The following ZNF407 variants were observed in gnomAD, a reference collection of about 807,000 sequenced individuals.
ZNF407 encodes zinc finger protein 407.
ZNF407 carries 17 observed loss-of-function variants against 131.2 expected under a neutral mutation model. The ratio of observed to expected loss-of-function variants is 0.13; its 90% CI spans 0.09 to 0.19. The LOEUF (loss-of-function observed/expected upper bound fraction) is 0.19, where lower values mean the gene tolerates loss of function less well. Ranked by LOEUF, ZNF407 falls within the 10% of genes least tolerant of loss-of-function variation. The pLI is 1.00. For missense variants in ZNF407, 2,681 were observed against 2,830.6 expected, an observed-to-expected ratio of 0.95 and a Z score of 1.20; for synonymous variants, 1,156 against 1,062.0, an observed-to-expected ratio of 1.09 and a Z score of -1.72.
intron 8 of ZNF407, among the ~76,000 whole-genome samples, chr18:74,992,874 A>G (rs1320252532): frequency 6.6e-6 from 1 of 152,238 alleles, no homozygotes; most frequent in Non-Finnish European, 1.5e-5. Flanking sequence ...ACATGAAATG[A>G]TGCTAATCAT....
Position 74,813,678 on chromosome 18 carries a change from G to A in ZNF407, c.4877+32176G>A, listed in dbSNP as rs145010541. ...ACCAAGTAACATGGGGGAGGAGGTG[G>A]CATCTGTTCATAGCTTAGCTCCAAG... On this transcript the variant is annotated intron_variant, in intron 4 of 8. Transcript: ENST00000299687. 4.6e-3 allele frequency among the ~76,000 whole-genome samples: 697 copies of A among 152,222 alleles called. 7 individuals are homozygous for A. The highest frequency in any genetic ancestry group is 0.016 in the African/African-American group (659 of 41,540).
At chr18:74,887,924 T>G (rs765364063) in intron 6 of ZNF407, among the ~76,000 whole-genome samples, 1 of 152,156 alleles carries the variant, frequency 6.6e-6, no homozygotes, top group East Asian at 1.9e-4. Context: ...AAATGGGTTG[T>G]GTATGGATTC....
At chr18:74,661,002 G>A (rs936658258) in intron 3 of ZNF407, among the ~76,000 whole-genome samples, 9 of 152,066 alleles carry the variant, frequency 5.9e-5, no homozygotes, top group East Asian at 1.9e-4. Context: ...TATTAAAAGC[G>A]GATGTCATAG....
In ZNF407 at chr18:74,681,348, A is replaced by G. The variant is rs1462660216; in HGVS notation, c.4802+40226A>G. On this transcript the variant is annotated intron_variant, in intron 3 of 8. Transcript: ENST00000299687. Reference sequence around the variant, plus strand: ...ACTCCTGCGCCTAAATGCTTAAATGATCTTCCTGCCCCAGCTTCCCAAGTA... The same window carrying G: ...ACTCCTGCGCCTAAATGCTTAAATGGTCTTCCTGCCCCAGCTTCCCAAGTA... 3.3e-5 allele frequency among the ~76,000 whole-genome samples: 5 copies of G among 152,122 alleles called. No individual in the cohort carries two copies. The East Asian group carries it at 9.7e-4, about 29-fold the overall frequency.
chr18:74,869,753 A>G (rs1218757288), intron 4 of ZNF407, among the ~76,000 whole-genome samples: 1 of 152,184 alleles, frequency 6.6e-6, no homozygotes, highest in Non-Finnish European at 1.5e-5. Context: ...ATTGGAACAC[A>G]GCCACATTGA....
chr18:74,968,260 C>CTTCCA (rs1972431327), intron 8 of ZNF407, among the ~76,000 whole-genome samples: 1 of 152,198 alleles, frequency 6.6e-6, no homozygotes, highest in African/African-American at 2.4e-5. Flanking sequence ...GGAAATCTCA[C>CTTCCA]TTCCATTTAG....
At chr18:74,849,601 G>T (rs529142676) in intron 4 of ZNF407, among the ~76,000 whole-genome samples, 16 of 152,248 alleles carry the variant, frequency 1.1e-4, no homozygotes, top group Admixed American at 5.9e-4. Flanking sequence ...CAAAACAGTA[G>T]CGGTGCCCTG....
intron 1 of ZNF407, among the ~76,000 whole-genome samples, chr18:74,605,872 A>G (rs1261251597): frequency 6.6e-6 from 1 of 152,222 alleles, no homozygotes; most frequent in Non-Finnish European, 1.5e-5. Context: ...TTAGTGTTGG[A>G]CTAGTGTGAC....
At chr18:74,690,702 C>CT (rs1967200786) in intron 3 of ZNF407, among the ~76,000 whole-genome samples, 1 of 152,058 alleles carries the variant, frequency 6.6e-6, no homozygotes, top group South Asian at 2.1e-4. Flanking sequence ...TATAGTTTAG[C>CT]TAGCATTTCA....
At chr18:74,650,594 T>C (rs939682679) in intron 3 of ZNF407, among the ~76,000 whole-genome samples, 1 of 152,130 alleles carries the variant, frequency 6.6e-6, no homozygotes, top group Admixed American at 6.5e-5. Context: ...GGTCATACAC[T>C]TTAGGGTGGG....
chr18:74,757,100 A>AT (rs1397513950), intron 3 of ZNF407, among the ~76,000 whole-genome samples: 1 of 151,566 alleles, frequency 6.6e-6, no homozygotes. Flanking sequence ...TTATATTCTA[A>AT]TTTTTATTTC....
intron 8 of ZNF407, among the ~76,000 whole-genome samples, chr18:74,977,998 A>G (rs1189285433): frequency 2.0e-5 from 3 of 152,146 alleles, no homozygotes; most frequent in African/African-American, 7.2e-5. Flanking sequence ...ACTTTCAACT[A>G]TATATTTAAG....
chr18:74,607,837 A>G (rs986580936), intron 1 of ZNF407, among the ~76,000 whole-genome samples: 2 of 152,260 alleles, frequency 1.3e-5, no homozygotes, highest in African/African-American at 2.4e-5. Context: ...GGGAAATAAC[A>G]TAGGTCATTT....
At chr18:74,690,661 T>C (rs977419218) in intron 3 of ZNF407, among the ~76,000 whole-genome samples, 4 of 152,172 alleles carry the variant, frequency 2.6e-5, no homozygotes, top group African/African-American at 9.7e-5. Flanking sequence ...TAGGACAAAG[T>C]GGCTTCCAAA....
chr18:74,753,980 C>A (rs902443485), intron 3 of ZNF407, among the ~76,000 whole-genome samples: 2 of 152,120 alleles, frequency 1.3e-5, no homozygotes, highest in African/African-American at 2.4e-5. Context: ...CTGGTCCTGA[C>A]TTTTTTTGGT....
intron 8 of ZNF407, among the ~76,000 whole-genome samples, chr18:75,000,403 T>C (rs915332562): frequency 6.6e-6 from 1 of 152,240 alleles, no homozygotes; most frequent in Non-Finnish European, 1.5e-5. Flanking sequence ...AGAGTTAATG[T>C]TATTCAGCTG....
chr18:74,992,052 AGT>A (rs1349606609), intron 8 of ZNF407, among the ~76,000 whole-genome samples: 1 of 152,220 alleles, frequency 6.6e-6, no homozygotes, highest in Non-Finnish European at 1.5e-5. Context: ...TGCCACAGCC[AGT>A]GAGAACTGAG....
At chr18:74,828,290 C>T (rs1287404941) in intron 4 of ZNF407, among the ~76,000 whole-genome samples, 1 of 152,158 alleles carries the variant, frequency 6.6e-6, no homozygotes, top group Admixed American at 6.5e-5. Flanking sequence ...CTGGATATTC[C>T]TTATTCCTTA....
At chr18:74,899,904 C>G (rs2145206799) in intron 7 of ZNF407, among the ~76,000 whole-genome samples, 1 of 152,174 alleles carries the variant, frequency 6.6e-6, no homozygotes, top group East Asian at 1.9e-4. Context: ...TGCCTTTTGC[C>G]TGGTGTTCAC....
Sources: gnomAD v4.1 joint callset for allele counts (sites outside exome capture counted in the v4.1 genomes callset) on GRCh38, gnomAD v4.1.1 for gene constraint, MANE v1.5 for transcripts, NCBI Gene and HGNC (gene_info 2026-07-23, HGNC 2026-07-21) for gene names.